Variants in SYT14 observed in about 807,000 individuals in gnomAD.
The protein encoded by SYT14 is synaptotagmin-14.
In SYT14, 32 loss-of-function variants were observed where a neutral mutation model predicts 74.2. The ratio of observed to expected loss-of-function variants is 0.43; its 90% CI spans 0.33 to 0.58. The LOEUF is 0.58. SYT14 is among the 20% of genes least tolerant of loss of function. The pLI, the probability that SYT14 is intolerant of heterozygous loss-of-function variation, is 0.05. For synonymous variants in SYT14, 298 were observed against 337.7 expected, an observed-to-expected ratio of 0.88 and a Z score of 1.29; for missense variants, 791 against 981.8, an observed-to-expected ratio of 0.81 and a Z score of 2.60.
At chr1:210,147,308 T>G (rs1175131798) in intron 7 of SYT14, among the ~76,000 whole-genome samples, 3 of 152,134 alleles carry the variant, frequency 2.0e-5, no homozygotes, top group Non-Finnish European at 2.9e-5. Flanking sequence ...ATAAGAATGT[T>G]AAGCATATTT....
chr1:209,971,905 A>T (rs1024303172), intron 2 of SYT14, among the ~76,000 whole-genome samples: 3 of 152,038 alleles, frequency 2.0e-5, no homozygotes, highest in African/African-American at 4.8e-5. Flanking sequence ...TTCATAGAAT[A>T]AGTTACGGAG....
At chr1:210,041,986 CA>C (rs2080799364) in intron 5 of SYT14, among the ~76,000 whole-genome samples, 1 of 151,982 alleles carries the variant, frequency 6.6e-6, no homozygotes, top group Non-Finnish European at 1.5e-5. Context: ...ATCACTGAGC[CA>C]AGCGTTGCTT....
intron 2 of SYT14, among the ~76,000 whole-genome samples, chr1:209,957,677 T>G (rs1462540294): frequency 2.0e-5 from 3 of 152,136 alleles, no homozygotes; most frequent in Non-Finnish European, 4.4e-5. Flanking sequence ...TCTACCCACT[T>G]CAGCCTCCCA....
At chr1:210,094,837 G>A (rs1198603355) in intron 6 of SYT14, among the ~76,000 whole-genome samples, 1 of 149,590 alleles carries the variant, frequency 6.7e-6, no homozygotes. Flanking sequence ...ACCTAAAGAT[G>A]TTTTTTTTAA....
chr1:210,125,396 T>C (rs1397644622), intron 7 of SYT14, among the ~76,000 whole-genome samples: 2 of 152,174 alleles, frequency 1.3e-5, no homozygotes, highest in Non-Finnish European at 2.9e-5. Flanking sequence ...ATTTCATTCT[T>C]TTTTAGGGCT....
intron 7 of SYT14, among the ~76,000 whole-genome samples, chr1:210,131,252 G>T (rs1057139309): frequency 3.3e-5 from 5 of 152,046 alleles, no homozygotes; most frequent in Admixed American, 1.3e-4. Flanking sequence ...CTTTCTTAAG[G>T]ATAGTTTAAT....
intron 7 of SYT14, among the ~76,000 whole-genome samples, chr1:210,119,945 G>T (rs1364627739): frequency 6.6e-6 from 1 of 151,922 alleles, no homozygotes; most frequent in East Asian, 1.9e-4. Flanking sequence ...AGATAAAACG[G>T]GTGTCCTTAA....
At chr1:210,016,791 C>G in exon 4 of SYT14, 2 of 1,231,668 alleles carry the variant, frequency 1.6e-6, no homozygotes, top group Non-Finnish European at 2.0e-6. Context: ...TTAAAGAAAG[C>G]TGAAAAATGT....
chr1:210,170,113 A>T (rs2083508255), exon 10 of SYT14: 1 of 152,178 alleles, frequency 6.6e-6, no homozygotes, highest in Middle Eastern at 3.2e-3. Flanking sequence ...CTTATCAAAC[A>T]ACTGAAGAAA....
chr1:210,123,227 CAT>C (rs10611979), intron 7 of SYT14, among the ~76,000 whole-genome samples: 151,698 of 151,952 alleles, frequency 1, 75,722 homozygotes, highest in East Asian at 1. Flanking sequence ...ACAATAAATA[CAT>C]ATATATATAT....
intron 2 of SYT14, among the ~76,000 whole-genome samples, chr1:210,003,142 G>A (rs554666410): frequency 2.0e-5 from 3 of 152,016 alleles, no homozygotes; most frequent in South Asian, 2.1e-4. Context: ...TTATATCCTC[G>A]ATTTTCCAAG....
chr1:210,030,973 C>T (rs2080520451), intron 5 of SYT14, among the ~76,000 whole-genome samples: 2 of 151,554 alleles, frequency 1.3e-5, no homozygotes, highest in Non-Finnish European at 2.9e-5. Flanking sequence ...TTTGCCCAGG[C>T]TGGAGTGCAG....
intron 2 of SYT14, among the ~76,000 whole-genome samples, chr1:209,976,127 A>C (rs1213753876): frequency 1.3e-5 from 2 of 151,866 alleles, no homozygotes. Context: ...GCGGTTTATC[A>C]ATTTTTTTGA....
intron 6 of SYT14, among the ~76,000 whole-genome samples, chr1:210,098,507 G>C (rs562020559): frequency 6.6e-6 from 1 of 152,196 alleles, no homozygotes; most frequent in African/African-American, 2.4e-5. Context: ...CACACTTCCT[G>C]TTTGTATATC....
intron 5 of SYT14, among the ~76,000 whole-genome samples, chr1:210,085,789 A>C (rs1217009071): frequency 1.3e-5 from 2 of 152,136 alleles, no homozygotes; most frequent in African/African-American, 4.8e-5. Context: ...AGATTTGCTA[A>C]AATTTTGTAT....
chr1:209,970,459 T>A (rs2079231393), intron 2 of SYT14, among the ~76,000 whole-genome samples: 1 of 152,092 alleles, frequency 6.6e-6, no homozygotes, highest in South Asian at 2.1e-4. Context: ...TTCTGGTTAC[T>A]ATAGCCTTAT....
At chr1:210,123,956 G>GA (rs1164370479) in intron 7 of SYT14, among the ~76,000 whole-genome samples, 10 of 152,044 alleles carry the variant, frequency 6.6e-5, no homozygotes, top group South Asian at 2.1e-4. Context: ...AACAGTCATA[G>GA]AAAAAAGGGT....
chr1:209,999,244 TAAAA>T (rs1196920561), intron 2 of SYT14, among the ~76,000 whole-genome samples: 5 of 151,964 alleles, frequency 3.3e-5, no homozygotes, highest in African/African-American at 1.2e-4. Context: ...ATCAAAAAGA[TAAAA>T]AATAACAGAT....
chr1:210,059,101 A>T (rs926142936), intron 5 of SYT14, among the ~76,000 whole-genome samples: 34 of 152,052 alleles, frequency 2.2e-4, no homozygotes, highest in African/African-American at 8.2e-4. Context: ...ATAGAGAGGA[A>T]ATTAAGTTAG....
Sources: gnomAD v4.1 joint callset for allele counts (sites outside exome capture counted in the v4.1 genomes callset) on GRCh38, gnomAD v4.1.1 for gene constraint, MANE v1.5 for transcripts, NCBI Gene and HGNC (gene_info 2026-07-23, HGNC 2026-07-21) for gene names.